The following IRS1 variants were observed in gnomAD, a reference collection of about 807,000 sequenced individuals.
IRS1 encodes the protein insulin receptor substrate 1.
IRS1 carries 34 observed loss-of-function variants against 65.6 expected under a neutral mutation model. The observed-to-expected ratio is 0.52, with a 90% CI of 0.39 to 0.69. The LOEUF is 0.69. Ranked by LOEUF, IRS1 falls within the 30% of genes least tolerant of loss-of-function variation. The probability of loss-of-function intolerance (pLI) is 0.00; values close to 1 mark genes in which losing one functional copy is unlikely to be tolerated. For synonymous variants in IRS1, 699 were observed against 683.5 expected (o/e 1.02, Z -0.35); for missense variants, 1,641 against 1,720.2 (o/e 0.95, Z 0.81).
chr2:226,799,660 T>A lies in IRS1; in HGVS notation c.-922A>T. ...GCCGCTGCAGTTACTTCTCCCCTCC[T>A]CCCTCCTCCTCCTCCTCCTCGGAGA... On this transcript the variant is annotated 5_prime_UTR_variant, in exon 1 of 2. Coordinates refer to ENST00000305123, the MANE Select transcript of IRS1 (RefSeq NM_005544.3). The surrounding 1 kb of genome is among the most constrained non-coding windows in gnomAD (Gnocchi z 6.1). 1 of 1,001,308 alleles carries A rather than the reference T, an allele frequency of 1.0e-6. No individual in the cohort carries two copies. Among genetic ancestry groups the A allele is most frequent in the Non-Finnish European group, 1.2e-6 (1 of 831,080 alleles). 62.0% of individuals were successfully genotyped at this position (1,001,308 alleles called of 1,614,324 possible).
chr2:226,778,902 C>T (rs1939328946), intron 1 of IRS1, among the ~76,000 whole-genome samples: 1 of 152,186 alleles, frequency 6.6e-6, no homozygotes, highest in Admixed American at 6.5e-5. Context: ...TTATAATTTG[C>T]CCTATTACAT....
At chr2:226,750,614 G>C (rs1412722930) in intron 1 of IRS1, among the ~76,000 whole-genome samples, 1 of 152,070 alleles carries the variant, frequency 6.6e-6, no homozygotes, top group Non-Finnish European at 1.5e-5. Flanking sequence ...TAATATCATG[G>C]GTATTAGATT....
chr2:226,797,425 G>T lies in IRS1; in HGVS notation c.1314C>A (p.Phe438Leu). The T allele has an allele frequency of 6.2e-7, 1 of 1,613,036 alleles. No homozygotes were observed. The highest frequency in any genetic ancestry group is 8.5e-7 in the Non-Finnish European group (1 of 1,179,680). Residue 438 changes from phenylalanine to leucine, a missense_variant, in exon 1 of 2, where the codon TTC becomes TTA. Physicochemically the swap from Phe to Leu is conservative, Grantham distance 22. Coordinates refer to ENST00000305123, the MANE Select transcript of IRS1 (RefSeq NM_005544.3). The surrounding 1 kb of genome is among the most constrained non-coding windows in gnomAD (Gnocchi z 8.1). ...SDEYGSSPCDFRSSFRSVTPD... is the reference protein window; with the variant it reads ...SDEYGSSPCDLRSSFRSVTPD... ...GAGTGACACTGCGGAAGGAACTCCG[G>T]AAATCGCAGGGACTGGAGCCATACT...
chr2:226,754,783 G>A (rs984436086), intron 1 of IRS1, among the ~76,000 whole-genome samples: 1 of 152,136 alleles, frequency 6.6e-6, no homozygotes, highest in Non-Finnish European at 1.5e-5. Context: ...AACTAAATCA[G>A]CTAAAACAAC....
At chr2:226,739,014 G>A (rs1938386123) in intron 1 of IRS1, among the ~76,000 whole-genome samples, 1 of 152,144 alleles carries the variant, frequency 6.6e-6, no homozygotes. Flanking sequence ...CAGAGACCCA[G>A]GGCCCTGTGA....
intron 1 of IRS1, among the ~76,000 whole-genome samples, chr2:226,770,193 C>A (rs1033493993): frequency 1.6e-4 from 24 of 152,304 alleles, no homozygotes; most frequent in African/African-American, 4.8e-4. Flanking sequence ...AACAAGCTAC[C>A]TTTTAAAGCC....
rs140150448 is a variant in IRS1 at position 226,795,436 on chromosome 2, G to A, written c.3303C>T (p.Ser1101=). ...CACTGGGTGTTGAGGAGAAAGTCTCGGAGCTATGCCTCCGCCGGCACCCTT... is the reference window on the plus strand; with the variant it reads ...CACTGGGTGTTGAGGAGAAAGTCTCAGAGCTATGCCTCCGCCGGCACCCTT... ...DPQGCRRRHS[S]ETFSSTPSAT... The change falls in exon 1 of 2, where the codon TCC becomes TCT. Residue 1101 remains serine (S), a synonymous_variant. Coordinates refer to ENST00000305123, the MANE Select transcript of IRS1 (RefSeq NM_005544.3). The A allele has an allele frequency of 6.8e-5, 109 of 1,613,554 alleles. No homozygotes were observed. Among genetic ancestry groups the A allele is most frequent in the Admixed American group, 2.0e-4 (12 of 60,030 alleles).
chr2:226,742,128 C>A (rs1392557604), intron 1 of IRS1, among the ~76,000 whole-genome samples: 1 of 152,146 alleles, frequency 6.6e-6, no homozygotes, highest in Non-Finnish European at 1.5e-5. Flanking sequence ...ATCCAGAGAG[C>A]CTCTAAAGTC....
At chr2:226,769,855 T>C (rs775614290) in intron 1 of IRS1, among the ~76,000 whole-genome samples, 1 of 152,214 alleles carries the variant, frequency 6.6e-6, no homozygotes, top group Non-Finnish European at 1.5e-5. Context: ...TTCATCTTAG[T>C]TGAGACATAT....
At chr2:226,783,948 G>C (rs1177876275) in intron 1 of IRS1, among the ~76,000 whole-genome samples, 1 of 151,920 alleles carries the variant, frequency 6.6e-6, no homozygotes, top group Admixed American at 6.6e-5. Context: ...GGGACACGTG[G>C]ACCAGTCAAT....
chr2:226,796,699 G>T lies in IRS1; in HGVS notation c.2040C>A (p.Ser680Arg). 6.2e-7 allele frequency: 1 copy of T among 1,613,860 alleles called. No individual in the cohort carries two copies. Among genetic ancestry groups the T allele is most frequent in the Non-Finnish European group, 8.5e-7 (1 of 1,179,868 alleles). ...CGGCGTTGCTGCTGCTGCTGCTGCT[G>T]CTGGGGCCACCTCCAATGTCAGGAG... The part of the protein sequence containing the change: ...GCSPDIGGGP[S>R]SSSSSSNAVP... Residue 680 changes from serine (S) to arginine (R), a missense_variant, in exon 1 of 2, where the codon AGC becomes AGA. Ser to Arg is a moderately radical substitution (Grantham distance 110). Transcript: ENST00000305123.
intron 1 of IRS1, among the ~76,000 whole-genome samples, chr2:226,740,408 T>C (rs954045443): frequency 6.6e-6 from 1 of 152,224 alleles, no homozygotes. Flanking sequence ...CTATGGATTA[T>C]TGCATTATTG....
At chr2:226,777,718 G>A (rs1376982539) in intron 1 of IRS1, among the ~76,000 whole-genome samples, 1 of 152,122 alleles carries the variant, frequency 6.6e-6, no homozygotes, top group Non-Finnish European at 1.5e-5. Flanking sequence ...CTCTGCACAA[G>A]CTCTCTTTTT....
chr2:226,788,664 A>G (rs1037336693), intron 1 of IRS1, among the ~76,000 whole-genome samples: 7 of 152,208 alleles, frequency 4.6e-5, no homozygotes, highest in African/African-American at 1.7e-4. Flanking sequence ...ACAAAAATAG[A>G]AGCAAATAGA....
intron 1 of IRS1, among the ~76,000 whole-genome samples, chr2:226,793,983 A>G (rs942780017): frequency 1.7e-4 from 26 of 152,354 alleles, no homozygotes; most frequent in African/African-American, 6.0e-4. Context: ...TTGAACTTAA[A>G]GGCACACAGC....
chr2:226,772,677 T>TAAAAAA (rs58764928), intron 1 of IRS1, among the ~76,000 whole-genome samples: 149 of 108,644 alleles, frequency 1.4e-3, no homozygotes, highest in African/African-American at 4.2e-3. Flanking sequence ...ACATGGACAG[T>TAAAAAA]AAAAAAAAAA....
chr2:226,733,633 C>G lies in IRS1; in HGVS notation c.*2639G>C, dbSNP rs1359592514. On this transcript the variant is annotated 3_prime_UTR_variant, in exon 2 of 2. Coordinates refer to ENST00000305123, the MANE Select transcript of IRS1 (RefSeq NM_005544.3). ...GTTAACCAGAGGCCACTAGAAGCCT[C>G]AATAATGAAAGCCCTTGGCTGGCCT... 1 of 152,230 alleles carries G rather than the reference C, an allele frequency of 6.6e-6. No homozygotes were observed. The highest frequency in any genetic ancestry group is 1.5e-5 in the Non-Finnish European group (1 of 68,050). The allele number at this position is 152,230 out of a possible 1,614,324, so 9.4% of individuals were successfully genotyped here. A position where few individuals can be genotyped will look rare whatever the true frequency, so the allele number is the denominator to read the frequency against.
At chr2:226,775,096 A>T (rs1939242496) in intron 1 of IRS1, among the ~76,000 whole-genome samples, 1 of 152,240 alleles carries the variant, frequency 6.6e-6, no homozygotes, top group African/African-American at 2.4e-5. Flanking sequence ...AAATAAAAAA[A>T]TACACCTAGG....
At chr2:226,771,004 G>A (rs981098481) in intron 1 of IRS1, among the ~76,000 whole-genome samples, 4 of 152,146 alleles carry the variant, frequency 2.6e-5, no homozygotes, top group African/African-American at 9.7e-5. Flanking sequence ...GGGCATCAGA[G>A]TGAGACCCTC....
Sources: allele counts gnomAD v4.1 joint callset (sites outside exome capture counted in the v4.1 genomes callset), GRCh38; gene constraint gnomAD v4.1.1; non-coding constraint Gnocchi (gnomAD v3.1); transcripts MANE v1.5; gene names NCBI Gene and HGNC (gene_info 2026-07-23, HGNC 2026-07-21).